CSNK2A2: variants seen among roughly 807,000 people sequenced by gnomAD.
CSNK2A2 encodes the protein casein kinase 2 alpha 2.
In CSNK2A2, 8 loss-of-function variants were observed where a neutral mutation model predicts 54.0. That is an observed-to-expected ratio of 0.15 (90% CI 0.09 to 0.27). The LOEUF (loss-of-function observed/expected upper bound fraction) is 0.27. CSNK2A2 is among the 10% of genes least tolerant of loss of function. The probability of loss-of-function intolerance (pLI) is 1.00; values close to 1 mark genes in which losing one functional copy is unlikely to be tolerated. For missense variants in CSNK2A2, 242 were observed against 439.4 expected, an observed-to-expected ratio of 0.55 and a Z score of 4.02; for synonymous variants, 141 against 153.9, an observed-to-expected ratio of 0.92 and a Z score of 0.62.
intron 2 of CSNK2A2, among the ~76,000 whole-genome samples, chr16:58,187,629 A>T (rs1441896225): frequency 6.6e-6 from 1 of 152,280 alleles, no homozygotes; most frequent in Non-Finnish European, 1.5e-5. Context: ...TGAAAAAGTA[A>T]GTCTATCATA....
intron 11 of CSNK2A2, among the ~76,000 whole-genome samples, chr16:58,158,732 C>T (rs1961227004): frequency 6.6e-6 from 1 of 152,208 alleles, no homozygotes; most frequent in African/African-American, 2.4e-5. Flanking sequence ...CTCTAGGTCC[C>T]CCTCAGACCT....
chr16:58,197,651 G>C lies in CSNK2A2; in HGVS notation c.86C>G (p.Ala29Gly), dbSNP rs1256338649. Reference protein sequence around the residue: ...LRSREYWDYEAHVPSWGNQDD... With the variant: ...LRSREYWDYEGHVPSWGNQDD... Reference sequence around the variant, plus strand: ...GCTTTACCCCCAGCTCGGGACGTGAGCCTCGTAGTCCCAGTACTCGCGGCT... The same window carrying C: ...GCTTTACCCCCAGCTCGGGACGTGACCCTCGTAGTCCCAGTACTCGCGGCT... The change falls in exon 1 of 12, where the codon GCT (alanine) becomes GGT (glycine). Residue 29 changes from alanine to glycine, a missense_variant. Ala to Gly is a moderately conservative substitution (Grantham distance 60, BLOSUM62 0). Transcript: ENST00000262506. The surrounding 1 kb of genome is among the most constrained non-coding windows in gnomAD (Gnocchi z 4.0). 2 of 1,574,644 alleles carry C rather than the reference G, an allele frequency of 1.3e-6. No homozygotes were observed. The highest frequency in any genetic ancestry group is 3.5e-5 in the Admixed American group (2 of 56,852).
At chr16:58,179,940 A>C (rs1961986686) in intron 4 of CSNK2A2, among the ~76,000 whole-genome samples, 1 of 151,498 alleles carries the variant, frequency 6.6e-6, no homozygotes, top group Non-Finnish European at 1.5e-5. Flanking sequence ...TTAGCCAGGC[A>C]TGGTGGCACA....
In CSNK2A2 at chr16:58,167,584, G is replaced by A. The variant is rs550069059; in HGVS notation, c.624+101C>T. On this transcript the variant is annotated intron_variant, in intron 7 of 11. Coordinates refer to ENST00000262506, the MANE Select transcript of CSNK2A2 (RefSeq NM_001896.4). The stretch of plus-strand genomic sequence containing the variant: ...AATCAGCATTTTAGGGTGAAATAAT[G>A]GCTGGGTTTTGAGTGTATTCAAACT... 2.4e-5 allele frequency: 21 copies of A among 876,484 alleles called. No homozygotes were observed. In the African/African-American group the frequency reaches 3.5e-4, roughly 15 times the overall value. The allele number at this position is 876,484 out of a possible 1,614,324, so 54.3% of individuals were successfully genotyped here.
chr16:58,168,772 G>C, intron 5 of CSNK2A2, 79 bp from the exon 6 acceptor site: 3 of 1,111,096 alleles, frequency 2.7e-6, no homozygotes, highest in Non-Finnish European at 4.0e-6. Flanking sequence ...TATTGTTTGT[G>C]ACACCTTGAC....
Position 58,186,821 on chromosome 16 carries a change from C to A in CSNK2A2, c.252G>T (p.Lys84Asn), listed in dbSNP as rs1461119155. The change falls in exon 3 of 12, where the codon AAG (lysine) becomes AAT (asparagine). Residue 84 changes from lysine (K) to asparagine (N), a missense_variant. Coordinates refer to ENST00000262506, the MANE Select transcript of CSNK2A2 (RefSeq NM_001896.4). ...TTCCACCACGAAGGTTCTCCAGAAT[C>A]TTAACCTCTCGTTTTATCTTCTTTT... is the stretch of plus-strand genomic sequence containing the variant. ...VKKKKIKREVKILENLRGGTN... is the reference protein window; with the variant it reads ...VKKKKIKREVNILENLRGGTN... The A allele has an allele frequency of 6.2e-7, 1 of 1,614,124 alleles. No individual in the cohort carries two copies. Among genetic ancestry groups the A allele is most frequent in the Non-Finnish European group, 8.5e-7 (1 of 1,179,984 alleles).
intron 5 of CSNK2A2, among the ~76,000 whole-genome samples, chr16:58,171,837 G>C (rs1321567319): frequency 6.7e-6 from 1 of 149,262 alleles, no homozygotes; most frequent in Non-Finnish European, 1.5e-5. Flanking sequence ...GCCCAGGCTA[G>C]AGTGCAGTGG....
At chr16:58,178,445 C>T (rs1488906371) in intron 4 of CSNK2A2, among the ~76,000 whole-genome samples, 1 of 151,928 alleles carries the variant, frequency 6.6e-6, no homozygotes, top group African/African-American at 2.4e-5. Context: ...CCATAGCCCG[C>T]CGAATTTTTT....
chr16:58,191,637 A>G (rs574830870), intron 2 of CSNK2A2, among the ~76,000 whole-genome samples: 2 of 152,330 alleles, frequency 1.3e-5, no homozygotes, highest in South Asian at 2.1e-4. Context: ...GGCTGGGATT[A>G]CAGGCGTGAG....
At chr16:58,171,272 C>T (rs1961728064) in intron 5 of CSNK2A2, among the ~76,000 whole-genome samples, 1 of 152,100 alleles carries the variant, frequency 6.6e-6, no homozygotes, top group Non-Finnish European at 1.5e-5. Context: ...CGCCTGTAAT[C>T]CCAGCAGTTT....
At chr16:58,166,553 G>C in intron 9 of CSNK2A2, 31 bp downstream of exon 9, 1 of 1,461,422 alleles carries the variant, frequency 6.8e-7, no homozygotes, top group Non-Finnish European at 9.6e-7. Context: ...ACGGGGTAAG[G>C]TAAAGCACTC....
At chr16:58,190,379 C>G (rs989964310) in intron 2 of CSNK2A2, among the ~76,000 whole-genome samples, 5 of 151,970 alleles carry the variant, frequency 3.3e-5, no homozygotes, top group Non-Finnish European at 7.4e-5. Flanking sequence ...AGTGCTCCAC[C>G]AAGATATTAA....
At chr16:58,184,866 C>A (rs1378550233) in intron 3 of CSNK2A2, among the ~76,000 whole-genome samples, 1 of 152,114 alleles carries the variant, frequency 6.6e-6, no homozygotes, top group East Asian at 1.9e-4. Context: ...GAAAATATAA[C>A]CATCCGTGAT....
chr16:58,165,742 A>T (rs1567463232), intron 9 of CSNK2A2, 34 bp from the exon 10 acceptor site: 6 of 1,592,992 alleles, frequency 3.8e-6, no homozygotes, highest in Non-Finnish European at 5.1e-6. Flanking sequence ...GTAACCAGAG[A>T]CTAAATTCAA....
chr16:58,171,979 A>ATTTTTTTTT (rs746200172), intron 5 of CSNK2A2, among the ~76,000 whole-genome samples: 1 of 66,216 alleles, frequency 1.5e-5, no homozygotes. Flanking sequence ...ATATATATAT[A>ATTTTTTTTT]TTTTTTTTTT....
At chr16:58,163,338 A>G (rs1961452167) in intron 11 of CSNK2A2, 1 of 151,880 alleles carries the variant, frequency 6.6e-6, no homozygotes, top group African/African-American at 2.4e-5. Context: ...CAAAGGTTAT[A>G]GTGAGCTCCA....
Position 58,197,602 on chromosome 16 carries a change from C to T in CSNK2A2, c.104+31G>A. The T allele has an allele frequency of 8.2e-6, 12 of 1,454,910 alleles. No homozygotes were observed. Among genetic ancestry groups the T allele is most frequent in the East Asian group, 2.7e-5 (1 of 37,528 alleles). 90.1% of individuals were successfully genotyped at this position (1,454,910 alleles called of 1,614,324 possible). A position where few individuals can be genotyped will look rare whatever the true frequency, so the allele number is the denominator to read the frequency against. On this transcript the variant is annotated intron_variant, in intron 1 of 11. Transcript: ENST00000262506. This position sits in a 1 kb window ranked among gnomAD's most constrained non-coding sequence, Gnocchi z 4.0. ...GTGGCCGGGCGGGGGCAGGGATCAGCGGGCCCGGCGGGGGGCGGCGACGGC... is the reference window on the plus strand; with the variant it reads ...GTGGCCGGGCGGGGGCAGGGATCAGTGGGCCCGGCGGGGGGCGGCGACGGC...
rs928958238 is a variant in CSNK2A2 at position 58,197,552 on chromosome 16, C to T, written c.104+81G>A. 2.1e-5 allele frequency: 19 copies of T among 918,596 alleles called. No homozygotes were observed. Among genetic ancestry groups the T allele is most frequent in the Middle Eastern group, 3.5e-4 (1 of 2,874 alleles). 56.9% of individuals were successfully genotyped at this position (918,596 alleles called of 1,614,324 possible). A position where few individuals can be genotyped will look rare whatever the true frequency, so the allele number is the denominator to read the frequency against. On this transcript the variant is annotated intron_variant, in intron 1 of 11. Coordinates refer to ENST00000262506, the MANE Select transcript of CSNK2A2 (RefSeq NM_001896.4). This position sits in a 1 kb window ranked among gnomAD's most constrained non-coding sequence, Gnocchi z 4.0. ...CGGAGGGGTCGGCGGGAGACACCAC[C>T]GGGCCCGAGTGCGGTTCGCAGGGGG...
At chr16:58,171,577 A>T (rs1230958935) in intron 5 of CSNK2A2, among the ~76,000 whole-genome samples, 1 of 151,992 alleles carries the variant, frequency 6.6e-6, no homozygotes. Flanking sequence ...GATACATATA[A>T]AGATATAATC....
Sources: allele counts gnomAD v4.1 joint callset (sites outside exome capture counted in the v4.1 genomes callset), GRCh38; gene constraint gnomAD v4.1.1; non-coding constraint Gnocchi (gnomAD v3.1); transcripts MANE v1.5; gene names NCBI Gene and HGNC (gene_info 2026-07-23, HGNC 2026-07-21).